The following C1QTNF7 variants were observed in gnomAD, a reference collection of about 807,000 sequenced individuals.
The protein encoded by C1QTNF7 is C1q and TNF related 7.
C1QTNF7 carries 15 observed loss-of-function variants against 19.6 expected under a neutral mutation model. The observed-to-expected ratio is 0.76, with a 90% CI of 0.51 to 1.18. C1QTNF7 has a LOEUF of 1.18. Among genes scored for constraint, C1QTNF7 ranks in the 50% most tolerant of loss-of-function variants. The pLI is 0.00. For synonymous variants in C1QTNF7, 142 were observed against 137.5 expected (o/e 1.03, Z -0.23); for missense variants, 324 against 359.7 (o/e 0.90, Z 0.80).
intron 1 of C1QTNF7, among the ~76,000 whole-genome samples, chr4:15,363,420 C>T (rs1335237986): frequency 6.6e-6 from 1 of 152,122 alleles, no homozygotes; most frequent in African/African-American, 2.4e-5. Context: ...GCAGCAATCC[C>T]TATTGTAATC....
chr4:15,370,147 G>C (rs1331453824), intron 1 of C1QTNF7, among the ~76,000 whole-genome samples: 2 of 151,972 alleles, frequency 1.3e-5, no homozygotes, highest in Non-Finnish European at 2.9e-5. Context: ...CATTTGAAGA[G>C]GCTAGGGTAT....
intron 1 of C1QTNF7, among the ~76,000 whole-genome samples, chr4:15,389,683 T>A (rs951030920): frequency 6.6e-6 from 1 of 152,156 alleles, no homozygotes; most frequent in African/African-American, 2.4e-5. Flanking sequence ...CCTCCCAAAG[T>A]GCTCGGATTA....
chr4:15,410,459 T>G (rs1053128710), intron 1 of C1QTNF7, among the ~76,000 whole-genome samples: 1 of 152,220 alleles, frequency 6.6e-6, no homozygotes, highest in African/African-American at 2.4e-5. Context: ...GTGAATATTT[T>G]CCTTATGATG....
chr4:15,439,153 T>C (rs1461560529), intron 2 of C1QTNF7, among the ~76,000 whole-genome samples: 1 of 152,232 alleles, frequency 6.6e-6, no homozygotes, highest in Non-Finnish European at 1.5e-5. Flanking sequence ...TCATCCCTTC[T>C]TTCCACTCTT....
chr4:15,409,871 C>A (rs1448407277), intron 1 of C1QTNF7, among the ~76,000 whole-genome samples: 1 of 152,118 alleles, frequency 6.6e-6, no homozygotes, highest in East Asian at 1.9e-4. Context: ...ACATAGGGAA[C>A]CTTCAGTAAA....
upstream of C1QTNF7, among the ~76,000 whole-genome samples, chr4:15,425,966 T>C (rs577638422): frequency 1.2e-3 from 178 of 152,264 alleles, no homozygotes; most frequent in African/African-American, 4.0e-3. Flanking sequence ...GAAGGTCAGA[T>C]TGTTAGCTTG....
At chr4:15,365,366 C>T (rs530009057) in intron 1 of C1QTNF7, among the ~76,000 whole-genome samples, 1 of 152,200 alleles carries the variant, frequency 6.6e-6, no homozygotes, top group Admixed American at 6.5e-5. Context: ...TTTCTCACCA[C>T]TAATTGTTTT....
intron 2 of C1QTNF7, among the ~76,000 whole-genome samples, chr4:15,441,148 G>T (rs1712742786): frequency 6.6e-6 from 1 of 150,498 alleles, no homozygotes; most frequent in African/African-American, 2.4e-5. Flanking sequence ...TCTCAAAAAA[G>T]AAAAAAAAAG....
chr4:15,358,880 G>A (rs771474818), intron 1 of C1QTNF7, among the ~76,000 whole-genome samples: 2 of 152,166 alleles, frequency 1.3e-5, no homozygotes, highest in African/African-American at 2.4e-5. Flanking sequence ...CTAGATCTAG[G>A]AGTGGACAGA....
rs558592223 is a variant in C1QTNF7, at chr4:15,393,171, G to T, written c.14-42565G>T. On this transcript the variant is annotated intron_variant, in intron 1 of 2. Transcript: ENST00000295297. Reference sequence around the variant, plus strand: ...GGCCCTCTTTTCTGTCTTGTCTGCCGCCATGTAAGACATGCCTTTTGCCTT... The same window carrying T: ...GGCCCTCTTTTCTGTCTTGTCTGCCTCCATGTAAGACATGCCTTTTGCCTT... Among the ~76,000 whole-genome samples the T allele has an allele frequency of 4.6e-5, 7 of 152,124 alleles. No individual in the cohort carries two copies. The South Asian group carries it at 8.3e-4, about 18-fold the overall frequency.
chr4:15,416,338 A>G (rs1719605370), intron 1 of C1QTNF7, among the ~76,000 whole-genome samples: 1 of 152,250 alleles, frequency 6.6e-6, no homozygotes, highest in Admixed American at 6.5e-5. Context: ...TACCATGAAC[A>G]TAGGCTCTGG....
At chr4:15,340,063 T>A in exon 1 of C1QTNF7, 1 of 1,061,320 alleles carries the variant, frequency 9.4e-7, no homozygotes, top group Non-Finnish European at 1.4e-6. Context: ...TCAAGTTATT[T>A]TTTGCATTGT....
At chr4:15,374,820 C>A in intron 1 of C1QTNF7, 1 of 933,408 alleles carries the variant, frequency 1.1e-6, no homozygotes, top group Non-Finnish European at 1.3e-6. Flanking sequence ...GCTTTTTTTC[C>A]TTAGAAAGGC....
intron 2 of C1QTNF7, among the ~76,000 whole-genome samples, chr4:15,440,653 G>A (rs538836949): frequency 2.6e-5 from 4 of 152,064 alleles, no homozygotes; most frequent in South Asian, 2.1e-4. Context: ...TTATCTGCCC[G>A]CCTCGGCCTC....
At chr4:15,378,176 G>A (rs1190016460) in intron 1 of C1QTNF7, among the ~76,000 whole-genome samples, 1 of 152,166 alleles carries the variant, frequency 6.6e-6, no homozygotes, top group Non-Finnish European at 1.5e-5. Flanking sequence ...CATTAAGGGA[G>A]GGGCATTTAG....
At chr4:15,434,225 C>T (rs1712438628) in intron 1 of C1QTNF7, among the ~76,000 whole-genome samples, 1 of 151,580 alleles carries the variant, frequency 6.6e-6, no homozygotes, top group Non-Finnish European at 1.5e-5. Flanking sequence ...AGCCTGAGTT[C>T]GGATAAGTTG....
At chr4:15,435,624 T>C (rs1712498164) in intron 1 of C1QTNF7, 112 bp from the exon 2 acceptor site, 1 of 1,447,788 alleles carries the variant, frequency 6.9e-7, no homozygotes, top group Admixed American at 2.1e-5. Flanking sequence ...AGACGAACAC[T>C]GGAGTGATTT....
chr4:15,407,738 AT>A (rs1429372773), intron 1 of C1QTNF7, among the ~76,000 whole-genome samples: 1 of 152,200 alleles, frequency 6.6e-6, no homozygotes, highest in African/African-American at 2.4e-5. Context: ...TTATACAGTC[AT>A]TCCAGAAGAG....
chr4:15,406,771 G>C (rs1411758108), intron 1 of C1QTNF7, among the ~76,000 whole-genome samples: 1 of 152,078 alleles, frequency 6.6e-6, no homozygotes, highest in Non-Finnish European at 1.5e-5. Flanking sequence ...TATATAGTAA[G>C]AGATAATAGG....
Sources: gnomAD v4.1 joint callset for allele counts (sites outside exome capture counted in the v4.1 genomes callset) on GRCh38, gnomAD v4.1.1 for gene constraint, MANE v1.5 for transcripts, NCBI Gene and HGNC (gene_info 2026-07-23, HGNC 2026-07-21) for gene names.